The following DNAJC25 variants were observed in gnomAD, a reference collection of about 807,000 sequenced individuals.
The protein encoded by DNAJC25 is DnaJ heat shock protein family (Hsp40) member C25.
Under a neutral mutation model 42.1 loss-of-function variants are expected in DNAJC25, and 26 were observed. The observed-to-expected ratio is 0.62, with a 90% CI of 0.45 to 0.86. The LOEUF (loss-of-function observed/expected upper bound fraction) is 0.86, where lower values mean the gene tolerates loss of function less well. Ranked by LOEUF, DNAJC25 falls within the 40% of genes least tolerant of loss-of-function variation. The pLI is 0.00. For missense variants in DNAJC25, 404 were observed against 459.4 expected, an observed-to-expected ratio of 0.88 and a Z score of 1.10; for synonymous variants, 189 against 179.9, an observed-to-expected ratio of 1.05 and a Z score of -0.40.
intron 1 of DNAJC25, among the ~76,000 whole-genome samples, chr9:111,641,247 G>A (rs1830456480): frequency 2.8e-5 from 4 of 143,628 alleles, no homozygotes; most frequent in African/African-American, 1.0e-4. Flanking sequence ...CCCTCCCCCC[G>A]GCCAGCCGCC....
chr9:111,647,909 G>A (rs967066706), intron 2 of DNAJC25, among the ~76,000 whole-genome samples: 2 of 152,180 alleles, frequency 1.3e-5, no homozygotes, highest in African/African-American at 4.8e-5. Flanking sequence ...CTCCTGAGTA[G>A]CTGGGACTAC....
chr9:111,634,351 A>G (rs1830333159), intron 1 of DNAJC25, among the ~76,000 whole-genome samples: 1 of 152,208 alleles, frequency 6.6e-6, no homozygotes, highest in Non-Finnish European at 1.5e-5. Context: ...GGAAGTTGCC[A>G]AAGAATATGT....
At chr9:111,643,170 C>T (rs918311446) in intron 1 of DNAJC25, 13 of 224,352 alleles carry the variant, frequency 5.8e-5, no homozygotes, top group Non-Finnish European at 1.0e-4. Context: ...TGAATTCAAG[C>T]AGTCACTTCT....
Position 111,644,473 on chromosome 9 carries a change from G to C in DNAJC25, c.337-2634G>C, listed in dbSNP as rs191714522. Among the ~76,000 whole-genome samples the C allele has an allele frequency of 2.0e-5, 3 of 152,300 alleles. No homozygotes were observed. In the East Asian group the frequency reaches 5.8e-4, roughly 29 times the overall value. ...TGAAGAGGGATGATATCTACGTTCT[G>C]TAGAACAGAGATAAGAGAACAAAAA... On this transcript the variant is annotated intron_variant, in intron 1 of 3. Transcript: ENST00000313525.
In DNAJC25 at chr9:111,631,337, C is replaced by T; in HGVS notation, c.-71C>T. 2 of 1,245,580 alleles carry T rather than the reference C, an allele frequency of 1.6e-6. No homozygotes were observed. The highest frequency in any genetic ancestry group is 2.0e-6 in the Non-Finnish European group (2 of 997,366). 77.2% of individuals were successfully genotyped at this position (1,245,580 alleles called of 1,614,324 possible). A position where few individuals can be genotyped will look rare whatever the true frequency, so the allele number is the denominator to read the frequency against. On this transcript the variant is annotated 5_prime_UTR_variant, in exon 1 of 4. In the 5' UTR this introduces an upstream ATG that the reference lacks. Coordinates refer to ENST00000313525, the MANE Select transcript of DNAJC25 (RefSeq NM_001015882.3). The stretch of plus-strand genomic sequence containing the variant: ...CTGCTGACGTGTAGCTGGGGCCAGA[C>T]GGGACTAGCCGGGCGCGCGGCTGAG...
chr9:111,639,930 C>CTCCCTCTCCCTG (rs1830422532), intron 1 of DNAJC25, among the ~76,000 whole-genome samples: 1 of 133,202 alleles, frequency 7.5e-6, no homozygotes, highest in African/African-American at 3.4e-5. Flanking sequence ...CCCTCTCCCT[C>CTCCCTCTCCCTG]TCCGTCTCCG....
In DNAJC25 at chr9:111,649,734, C is replaced by T; in HGVS notation, c.771C>T (p.Cys257=). The T allele has an allele frequency of 6.2e-7, 1 of 1,614,032 alleles. No homozygotes were observed. Among genetic ancestry groups the T allele is most frequent in the East Asian group, 2.2e-5 (1 of 44,876 alleles). ...TTATCTTAGCTCCTTTTCACCTATG[C>T]TCATATATAGTTTGGTATTGTCGGT... The part of the protein sequence containing the change: ...FQIILAPFHL[C]SYIVWYCRWI... Residue 257 remains cysteine, a synonymous_variant, in exon 3 of 4, where the codon TGC becomes TGT. Coordinates refer to ENST00000313525, the MANE Select transcript of DNAJC25 (RefSeq NM_001015882.3).
intron 1 of DNAJC25, among the ~76,000 whole-genome samples, chr9:111,634,131 T>A (rs936484442): frequency 3.9e-5 from 6 of 152,152 alleles, no homozygotes; most frequent in African/African-American, 1.4e-4. Context: ...CCCTGGAAAA[T>A]CAGACCCAGC....
chr9:111,648,738 AATAG>A (rs1260362492), intron 2 of DNAJC25, among the ~76,000 whole-genome samples: 5 of 152,196 alleles, frequency 3.3e-5, no homozygotes, highest in Admixed American at 6.5e-5. Context: ...AAATATTCTT[AATAG>A]ATTGCTACTA....
At chr9:111,653,045 A>G in intron 3 of DNAJC25, 55 bp from the exon 4 acceptor site, 2 of 1,452,190 alleles carry the variant, frequency 1.4e-6, no homozygotes, top group Non-Finnish European at 9.1e-7. Context: ...CCATAAAGCT[A>G]ATGGCAAATG....
At chr9:111,634,740 G>A (rs1012386740) in intron 1 of DNAJC25, among the ~76,000 whole-genome samples, 1 of 151,108 alleles carries the variant, frequency 6.6e-6, no homozygotes, top group African/African-American at 2.4e-5. Flanking sequence ...TTTTTTTTAG[G>A]TGGTGGTGGT....
In DNAJC25 at chr9:111,649,871, A is replaced by C. The variant is rs780008929; in HGVS notation, c.908A>C (p.His303Pro). ...SKSQFDSLED[H>P]QKETFLKREL... is the part of the protein sequence containing the mutation. ...TCTCAATTTGATAGTCTAGAAGATC[A>C]TCAGAAAGAAACTTTTCTTAAACGA... Residue 303 changes from histidine (H) to proline (P), a missense_variant, in exon 3 of 4, where the codon CAT becomes CCT. By Grantham distance (77) the His-to-Pro change is moderately conservative. Coordinates refer to ENST00000313525, the MANE Select transcript of DNAJC25 (RefSeq NM_001015882.3). The C allele has an allele frequency of 6.2e-7, 1 of 1,601,340 alleles. No homozygotes were observed. Among genetic ancestry groups the C allele is most frequent in the Non-Finnish European group, 8.5e-7 (1 of 1,176,912 alleles).
intron 2 of DNAJC25, among the ~76,000 whole-genome samples, chr9:111,647,760 A>T (rs1404367966): frequency 6.6e-6 from 1 of 152,194 alleles, no homozygotes; most frequent in Admixed American, 6.5e-5. Context: ...AAATAGATTA[A>T]AAGAGGCATA....
At position 111,631,869 on chromosome 9, in the gene DNAJC25, C is replaced by T. The variant is rs1830287049; in HGVS notation, c.336+126C>T. ...AACTGAGCACAGCCACCACCGCGACCTTTAAGATACTCACGTTTCCCACGT... is the reference window on the plus strand; with the variant it reads ...AACTGAGCACAGCCACCACCGCGACTTTTAAGATACTCACGTTTCCCACGT... On this transcript the variant is annotated intron_variant, in intron 1 of 3. Coordinates refer to ENST00000313525, the MANE Select transcript of DNAJC25 (RefSeq NM_001015882.3). 4.3e-6 allele frequency: 6 copies of T among 1,385,962 alleles called. No homozygotes were observed. The South Asian group carries it at 9.6e-5, about 22-fold the overall frequency. 85.9% of individuals were successfully genotyped at this position (1,385,962 alleles called of 1,614,324 possible).
intron 1 of DNAJC25, 40 bp from the exon 2 acceptor site, chr9:111,647,067 T>G (rs1310892823): frequency 1.9e-6 from 3 of 1,564,922 alleles, no homozygotes; most frequent in Non-Finnish European, 2.6e-6. Context: ...GGCCATTTAA[T>G]GGACTGTCCT....
chr9:111,643,474 G>A (rs1370891450), intron 1 of DNAJC25, among the ~76,000 whole-genome samples: 1 of 152,182 alleles, frequency 6.6e-6, no homozygotes, highest in East Asian at 1.9e-4. Flanking sequence ...GGGCAGTAAT[G>A]TTTACATTCT....
chr9:111,641,836 C>T (rs1830476540), intron 1 of DNAJC25, among the ~76,000 whole-genome samples: 2 of 134,260 alleles, frequency 1.5e-5, no homozygotes. Flanking sequence ...CCCGGCCAGC[C>T]GCCCCGTCCG....
At chr9:111,640,902 G>A (rs1830446652) in intron 1 of DNAJC25, among the ~76,000 whole-genome samples, 1 of 89,798 alleles carries the variant, frequency 1.1e-5, no homozygotes, top group African/African-American at 7.0e-5. Flanking sequence ...CAGCCCCCCC[G>A]CCCGGCCAGC....
chr9:111,631,468 A>ATGCTGCTGGCGCCCCTGCTGCCGGCGC lies in DNAJC25; in HGVS notation c.71_97dup (p.Ala24_Leu32dup). ...CGGGGCTGCCGGCCGGCGCTGGTGG[A>ATGCTGCTGGCGCCCCTGCTGCCGGCGC]TGCTGCTGGCGCCCCTGCTGCCGGC... On this transcript the variant is annotated inframe_insertion, in exon 1 of 4. Coordinates refer to ENST00000313525, the MANE Select transcript of DNAJC25 (RefSeq NM_001015882.3). 1.5e-6 allele frequency: 2 copies of ATGCTGCTGGCGCCCCTGCTGCCGGCGC among 1,316,602 alleles called. No homozygotes were observed. Among genetic ancestry groups the ATGCTGCTGGCGCCCCTGCTGCCGGCGC allele is most frequent in the South Asian group, 4.4e-5 (2 of 45,018 alleles). 81.6% of individuals were successfully genotyped at this position (1,316,602 alleles called of 1,614,324 possible).
Sources: gnomAD v4.1 joint callset for allele counts (sites outside exome capture counted in the v4.1 genomes callset) on GRCh38, gnomAD v4.1.1 for gene constraint, MANE v1.5 for transcripts, NCBI Gene and HGNC (gene_info 2026-07-23, HGNC 2026-07-21) for gene names.